LAMA2: variants seen among roughly 807,000 people sequenced by gnomAD.
LAMA2 encodes the protein laminin subunit alpha 2, also known as laminin subunit alpha-2.
LAMA2 carries 269 observed loss-of-function variants against 364.8 expected under a neutral mutation model. The observed-to-expected ratio is 0.74, with a 90% CI of 0.67 to 0.82. The LOEUF (loss-of-function observed/expected upper bound fraction) is 0.82, where lower values mean the gene tolerates loss of function less well. Among genes scored for constraint, LAMA2 ranks in the 40% least tolerant of loss-of-function variants. LAMA2 has a pLI of 0.00. For missense variants in LAMA2, 3,807 were observed against 3,873.2 expected, an observed-to-expected ratio of 0.98 and a Z score of 0.45; for synonymous variants, 1,379 against 1,370.6, an observed-to-expected ratio of 1.01 and a Z score of -0.14.
At position 129,174,449 on chromosome 6, in the gene LAMA2, T is replaced by G. The variant is rs1452045046; in HGVS notation, c.1307-3257T>G. Among the ~76,000 whole-genome samples, 4 of 151,986 alleles carry G rather than the reference T, an allele frequency of 2.6e-5. No homozygotes were observed. In the East Asian group the frequency reaches 7.7e-4, roughly 29 times the overall value. On this transcript the variant is annotated intron_variant, in intron 9 of 64. Coordinates refer to ENST00000421865, the MANE Select transcript of LAMA2 (RefSeq NM_000426.4). ...TGCATTTTTATTTCTCTTCTAACTC[T>G]TATTCATATGGACTTCATTTTCTTA...
intron 62 of LAMA2, among the ~76,000 whole-genome samples, chr6:129,509,939 G>C (rs1490662494): frequency 6.6e-6 from 1 of 152,064 alleles, no homozygotes; most frequent in Non-Finnish European, 1.5e-5. Context: ...GGGTAGTATG[G>C]ACATTTTAAC....
Position 129,235,041 on chromosome 6 carries a change from G to A in LAMA2, c.1783-15071G>A, listed in dbSNP as rs537448880. 2.6e-4 allele frequency among the ~76,000 whole-genome samples: 40 copies of A among 152,234 alleles called. 2 individuals are homozygous for A. In the South Asian group the frequency reaches 7.0e-3, roughly 27 times the overall value. ...AAAATCTTACACATATTTCTGAAAT[G>A]TTAAGAAGATAATTTTATAATTCAA... On this transcript the variant is annotated intron_variant, in intron 12 of 64. Coordinates refer to ENST00000421865, the MANE Select transcript of LAMA2 (RefSeq NM_000426.4).
intron 48 of LAMA2, among the ~76,000 whole-genome samples, chr6:129,456,942 C>T (rs9372930): frequency 0.15 from 22,617 of 152,102 alleles, 1,779 homozygotes; most frequent in East Asian, 0.21. Flanking sequence ...TTTTAAAGTT[C>T]TCAAGTTGCT....
chr6:128,900,839 A>G (rs1777042699), intron 1 of LAMA2, among the ~76,000 whole-genome samples: 2 of 152,074 alleles, frequency 1.3e-5, no homozygotes, highest in East Asian at 3.9e-4. Context: ...CTCTTTCACT[A>G]AGGTATTTGA....
intron 1 of LAMA2, among the ~76,000 whole-genome samples, chr6:128,901,816 C>G (rs6923411): frequency 0.1 from 15,788 of 152,226 alleles, 885 homozygotes; most frequent in African/African-American, 0.15. Flanking sequence ...CAGTTGACTG[C>G]AGAGTTTATT....
intron 9 of LAMA2, among the ~76,000 whole-genome samples, chr6:129,172,841 C>T (rs549874369): frequency 3.3e-5 from 5 of 152,372 alleles, no homozygotes; most frequent in Non-Finnish European, 5.9e-5. Flanking sequence ...GGGCGTAGGA[C>T]CCTCCAAGCC....
chr6:129,467,698 G>A (rs1013039848), intron 51 of LAMA2, among the ~76,000 whole-genome samples: 5 of 151,898 alleles, frequency 3.3e-5, no homozygotes, highest in African/African-American at 9.6e-5. Flanking sequence ...TCCATAATCA[G>A]TCTGCTATCT....
intron 12 of LAMA2, among the ~76,000 whole-genome samples, chr6:129,213,830 C>T (rs1743641567): frequency 6.6e-6 from 1 of 152,070 alleles, no homozygotes; most frequent in African/African-American, 2.4e-5. Flanking sequence ...TTCACAGTGT[C>T]TTTCACAGAG....
Position 129,144,089 on chromosome 6 carries a change from T to C in LAMA2, c.819+9T>C, listed in dbSNP as rs777517081. On this transcript the variant is annotated intron_variant, in intron 5 of 64. Transcript: ENST00000421865. Reference sequence around the variant, plus strand: ...CCATTGTCACCAGAAGAGTAAGTTATGATGAATCATATTAGAGCCTACAAA... The same window carrying C: ...CCATTGTCACCAGAAGAGTAAGTTACGATGAATCATATTAGAGCCTACAAA... 2.1e-5 allele frequency: 34 copies of C among 1,603,434 alleles called. No individual in the cohort carries two copies. Among genetic ancestry groups the C allele is most frequent in the African/African-American group, 5.4e-5 (4 of 74,654 alleles).
rs370746996 is a variant in LAMA2, at chr6:129,347,048, AG to A, written c.4437-2245del. ...TGGTTGGAACAGAGTGAATGAGAAG[AG>A]GGGGCTAGGAGATGAAGTCAGCAAA... On this transcript the variant is annotated intron_variant, in intron 30 of 64. Coordinates refer to ENST00000421865, the MANE Select transcript of LAMA2 (RefSeq NM_000426.4). Among the ~76,000 whole-genome samples, 68 of 152,274 alleles carry A rather than the reference AG, an allele frequency of 4.5e-4. 1 individual carries two copies. In the South Asian group the frequency reaches 0.01, roughly 23 times the overall value.
chr6:129,312,299 C>CA (rs1774277871), intron 22 of LAMA2, among the ~76,000 whole-genome samples: 2 of 152,156 alleles, frequency 1.3e-5, no homozygotes, highest in South Asian at 2.1e-4. Flanking sequence ...GAATAAATGC[C>CA]AAAAAACAAT....
At chr6:129,038,021 T>A (rs1160093253) in intron 1 of LAMA2, among the ~76,000 whole-genome samples, 1 of 152,192 alleles carries the variant, frequency 6.6e-6, no homozygotes, top group Admixed American at 6.5e-5. Context: ...TTTAAAGATG[T>A]GAGCTAGATA....
In LAMA2 at chr6:128,894,646, T is replaced by C. The variant is rs566528319; in HGVS notation, c.112+11289T>C. On this transcript the variant is annotated intron_variant, in intron 1 of 64. Coordinates refer to ENST00000421865, the MANE Select transcript of LAMA2 (RefSeq NM_000426.4). ...CCATCATGCTTCAGTATACAGTTGA[T>C]GTTAAAAAGATGTACCCAAGATTTA... 2.6e-5 allele frequency among the ~76,000 whole-genome samples: 4 copies of C among 152,336 alleles called. No individual in the cohort carries two copies. In the South Asian group the frequency reaches 8.3e-4, roughly 32 times the overall value.
intron 1 of LAMA2, among the ~76,000 whole-genome samples, chr6:128,942,067 TA>T (rs1278749680): frequency 2.0e-5 from 3 of 152,172 alleles, no homozygotes; most frequent in African/African-American, 7.2e-5. Context: ...GATATATGAG[TA>T]AAAGCAAACT....
chr6:128,996,510 C>G (rs1562905891), intron 1 of LAMA2, among the ~76,000 whole-genome samples: 1 of 151,858 alleles, frequency 6.6e-6, no homozygotes. Flanking sequence ...ATGTGGCCAA[C>G]AAACATATGA....
chr6:129,441,748 G>A (rs972935603), intron 43 of LAMA2, among the ~76,000 whole-genome samples: 1 of 152,104 alleles, frequency 6.6e-6, no homozygotes, highest in African/African-American at 2.4e-5. Context: ...GGAGCCTGAG[G>A]CGAGAGGATC....
intron 4 of LAMA2, among the ~76,000 whole-genome samples, chr6:129,122,642 T>C (rs900769821): frequency 6.6e-5 from 10 of 152,206 alleles, no homozygotes; most frequent in African/African-American, 1.9e-4. Flanking sequence ...CCAGGTTTAC[T>C]GAACAGGGGT....
At chr6:129,080,470 C>T (rs1773971104) in intron 3 of LAMA2, among the ~76,000 whole-genome samples, 1 of 152,166 alleles carries the variant, frequency 6.6e-6, no homozygotes, top group Admixed American at 6.5e-5. Flanking sequence ...TCTAACTTCT[C>T]ATATACATGT....
chr6:129,297,586 A>G, intron 20 of LAMA2, 99 bp from the exon 21 acceptor site: 1 of 1,109,606 alleles, frequency 9.0e-7, no homozygotes, highest in Non-Finnish European at 1.3e-6. Context: ...GATAACTCCT[A>G]AGTTCCTCTG....
Sources: allele counts gnomAD v4.1 joint callset (sites outside exome capture counted in the v4.1 genomes callset), GRCh38; gene constraint gnomAD v4.1.1; transcripts MANE v1.5; gene names NCBI Gene and HGNC (gene_info 2026-07-23, HGNC 2026-07-21).